TENM3: variants seen among roughly 807,000 people sequenced by gnomAD.
The protein encoded by TENM3 is teneurin-3.
A neutral mutation model predicts 255.1 loss-of-function variants in TENM3; 63 were observed. The observed-to-expected ratio is 0.25, with a 90% CI of 0.20 to 0.30. The LOEUF (loss-of-function observed/expected upper bound fraction) is 0.30. Among genes scored for constraint, TENM3 ranks in the 10% least tolerant of loss-of-function variants. TENM3 has a pLI of 1.00. For missense variants in TENM3, 2,929 were observed against 3,461.1 expected, an observed-to-expected ratio of 0.85 and a Z score of 3.86; for synonymous variants, 1,306 against 1,322.3, an observed-to-expected ratio of 0.99 and a Z score of 0.27.
intron 22 of TENM3, among the ~76,000 whole-genome samples, chr4:182,770,393 C>T (rs1044496729): frequency 6.6e-6 from 1 of 152,138 alleles, no homozygotes; most frequent in African/African-American, 2.4e-5. Context: ...GGCTCCCTTC[C>T]AGTATGACTC....
At chr4:182,744,115 T>A in intron 19 of TENM3, 1 of 853,154 alleles carries the variant, frequency 1.2e-6, no homozygotes, top group East Asian at 1.1e-4. Context: ...TTTTTTTTTT[T>A]TACCTTTTTT....
chr4:181,575,398 AT>A, the TENM3 span, among the ~76,000 whole-genome samples: 4 of 152,146 alleles, frequency 2.6e-5, no homozygotes, highest in South Asian at 2.1e-4. Flanking sequence ...TGGTAATGTC[AT>A]TTTTTGGGTT....
At chr4:182,022,446 T>C in the TENM3 span, among the ~76,000 whole-genome samples, 17 of 151,526 alleles carry the variant, frequency 1.1e-4, 1 homozygote, top group Non-Finnish European at 2.2e-4. Context: ...TGTTCACCAC[T>C]GAGGTGATGC....
At chr4:182,183,934 A>T (rs551671994) in intron 1 of TENM3, among the ~76,000 whole-genome samples, 1 of 152,322 alleles carries the variant, frequency 6.6e-6, no homozygotes, top group South Asian at 2.1e-4. Flanking sequence ...TATTAAAACT[A>T]CAAGTGGCCT....
chr4:182,572,620 A>C (rs1044436217), intron 3 of TENM3, among the ~76,000 whole-genome samples: 21 of 152,218 alleles, frequency 1.4e-4, no homozygotes, highest in African/African-American at 4.1e-4. Context: ...GACTCTTCCC[A>C]AATTCTAGCA....
At chr4:181,848,008 T>G in the TENM3 span, among the ~76,000 whole-genome samples, 6 of 152,192 alleles carry the variant, frequency 3.9e-5, no homozygotes, top group African/African-American at 1.2e-4. Context: ...AGAGTTGTTT[T>G]GGTTATTTTT....
chr4:181,927,591 C>T, the TENM3 span, among the ~76,000 whole-genome samples: 7 of 152,128 alleles, frequency 4.6e-5, no homozygotes, highest in African/African-American at 1.2e-4. Context: ...TAGCTGTGGG[C>T]GCAGCTTCAA....
At chr4:182,660,507 A>G (rs1754141494) in intron 6 of TENM3, among the ~76,000 whole-genome samples, 1 of 152,204 alleles carries the variant, frequency 6.6e-6, no homozygotes, top group African/African-American at 2.4e-5. Flanking sequence ...TGATTGGAAC[A>G]TGAAAGCTAT....
chr4:182,154,217 G>T (rs770343006), intron 1 of TENM3, among the ~76,000 whole-genome samples: 28 of 151,104 alleles, frequency 1.9e-4, no homozygotes, highest in Admixed American at 1.1e-3. Flanking sequence ...AAGAATAATT[G>T]GTATAAATGG....
chr4:182,324,711 G>C (rs1763282097), intron 2 of TENM3, among the ~76,000 whole-genome samples: 1 of 152,146 alleles, frequency 6.6e-6, no homozygotes, highest in African/African-American at 2.4e-5. Flanking sequence ...ATCATCTCAG[G>C]ACCCAAGCAG....
At chr4:181,679,397 T>C in the TENM3 span, among the ~76,000 whole-genome samples, 4 of 152,188 alleles carry the variant, frequency 2.6e-5, no homozygotes, top group South Asian at 8.3e-4. Flanking sequence ...TTTTTCCTTA[T>C]CATTTCCTAG....
the TENM3 span, among the ~76,000 whole-genome samples, chr4:181,920,595 G>C: frequency 1.3e-5 from 2 of 151,880 alleles, no homozygotes; most frequent in Non-Finnish European, 2.9e-5. Context: ...TTTTTTTCTT[G>C]TAAATTTGTT....
chr4:182,647,220 T>G (rs1752834818), intron 5 of TENM3, among the ~76,000 whole-genome samples: 1 of 152,208 alleles, frequency 6.6e-6, no homozygotes, highest in African/African-American at 2.4e-5. Context: ...TAGTTTTTGT[T>G]TTTAATTCTG....
chr4:182,791,619 G>A (rs1048693239), intron 25 of TENM3, among the ~76,000 whole-genome samples: 1 of 152,072 alleles, frequency 6.6e-6, no homozygotes, highest in Admixed American at 6.5e-5. Flanking sequence ...TTGTCAGTAC[G>A]GATGCCTTGT....
intron 1 of TENM3, among the ~76,000 whole-genome samples, chr4:182,283,134 C>T (rs1481503633): frequency 6.6e-6 from 1 of 152,100 alleles, no homozygotes; most frequent in Non-Finnish European, 1.5e-5. Context: ...AAATTGACTT[C>T]AACGTAAATA....
chr4:182,608,360 G>A (rs1274521507), intron 4 of TENM3, among the ~76,000 whole-genome samples: 2 of 152,130 alleles, frequency 1.3e-5, no homozygotes, highest in Non-Finnish European at 2.9e-5. Context: ...TCTGGTTCAA[G>A]CAATCCTTCT....
chr4:182,296,561 G>A (rs1219968634), intron 1 of TENM3, among the ~76,000 whole-genome samples: 2 of 152,162 alleles, frequency 1.3e-5, no homozygotes, highest in Admixed American at 6.5e-5. Context: ...TTTGTCAGAT[G>A]AGCTGGGGAC....
chr4:182,655,501 A>G (rs1331512349), intron 6 of TENM3, among the ~76,000 whole-genome samples: 1 of 152,142 alleles, frequency 6.6e-6, no homozygotes, highest in Non-Finnish European at 1.5e-5. Context: ...GGCTGCTGGT[A>G]TTTTGCCAGG....
Position 182,610,397 on chromosome 4 carries a change from C to A in TENM3, c.749+9236C>A, listed in dbSNP as rs534651217. Among the ~76,000 whole-genome samples the A allele has an allele frequency of 6.6e-5, 10 of 152,270 alleles. No homozygotes were observed. The South Asian group carries it at 2.1e-3, about 32-fold the overall frequency. On this transcript the variant is annotated intron_variant, in intron 4 of 27. Coordinates refer to ENST00000511685, the MANE Select transcript of TENM3 (RefSeq NM_001080477.4). ...TTTAAAATCATAAAGATTATCTAAT[C>A]TGGCCAAGTGTGGTGGCTCATGCCT... is the stretch of plus-strand genomic sequence containing the variant.
Sources: gnomAD v4.1 joint callset for allele counts (sites outside exome capture counted in the v4.1 genomes callset) on GRCh38, gnomAD v4.1.1 for gene constraint, MANE v1.5 for transcripts, NCBI Gene and HGNC (gene_info 2026-07-23, HGNC 2026-07-21) for gene names.